Variants in CCDC7 observed in about 807,000 individuals in gnomAD.
The protein encoded by CCDC7 is coiled-coil domain-containing protein 7.
Under a neutral mutation model 196.9 loss-of-function variants are expected in CCDC7, and 183 were observed. The observed-to-expected ratio is 0.93, with a 90% CI of 0.82 to 1.05. The LOEUF is 1.05. Ranked by LOEUF, CCDC7 falls within the 50% of genes least tolerant of loss-of-function variation. The pLI is 0.00. For missense variants in CCDC7, 1,540 were observed against 1,482.2 expected, an observed-to-expected ratio of 1.04 and a Z score of -0.64; for synonymous variants, 525 against 484.6, an observed-to-expected ratio of 1.08 and a Z score of -1.10.
At chr10:32,870,260 C>G (rs1036988776) in intron 41 of CCDC7, among the ~76,000 whole-genome samples, 1 of 152,002 alleles carries the variant, frequency 6.6e-6, no homozygotes, top group African/African-American at 2.4e-5. Flanking sequence ...TGTTTGTGTC[C>G]TCTTTTATTT....
chr10:32,714,838 G>A (rs561789510), intron 25 of CCDC7, among the ~76,000 whole-genome samples: 77 of 152,322 alleles, frequency 5.1e-4, no homozygotes, highest in African/African-American at 1.8e-3. Flanking sequence ...TAACCAGGCT[G>A]TCTTTCTAGA....
Position 32,771,313 on chromosome 10 carries a change from T to C in CCDC7, c.2906-7664T>C, listed in dbSNP as rs1285756708. ...TGTCTGAAAATGACTTTATTTCTTC[T>C]TCATTTATAAAACTTAGTTTTGCAG... On this transcript the variant is annotated intron_variant, in intron 28 of 41. Transcript: ENST00000639629. Among the ~76,000 whole-genome samples, 3 of 152,182 alleles carry C rather than the reference T, an allele frequency of 2.0e-5. No individual in the cohort carries two copies. The East Asian group carries it at 5.8e-4, about 29-fold the overall frequency.
chr10:32,629,157 C>A (rs1380278211), intron 18 of CCDC7, among the ~76,000 whole-genome samples: 1 of 151,984 alleles, frequency 6.6e-6, no homozygotes, highest in Admixed American at 6.6e-5. Flanking sequence ...TTAATATTTG[C>A]TTTATGTTTT....
chr10:32,815,299 CTAATAA>C (rs1200608163), intron 31 of CCDC7, among the ~76,000 whole-genome samples: 5 of 151,684 alleles, frequency 3.3e-5, no homozygotes, highest in African/African-American at 1.2e-4. Context: ...ACAAAGTAGT[CTAATAA>C]TAATAATAAT....
intron 9 of CCDC7, chr10:32,511,636 C>CTTCTA: frequency 6.3e-7 from 1 of 1,580,530 alleles, no homozygotes; most frequent in Admixed American, 1.7e-5. Flanking sequence ...AAACAGACAT[C>CTTCTA]GTGGTCTTCA....
intron 3 of CCDC7, among the ~76,000 whole-genome samples, chr10:32,457,484 A>G (rs911156495): frequency 1.3e-5 from 2 of 152,182 alleles, no homozygotes; most frequent in Non-Finnish European, 1.5e-5. Flanking sequence ...TAGTGCTGCA[A>G]TAAACATGGA....
chr10:32,797,814 G>T (rs760826412), intron 29 of CCDC7, among the ~76,000 whole-genome samples: 19 of 152,244 alleles, frequency 1.2e-4, no homozygotes, highest in Admixed American at 2.6e-4. Context: ...CACAAACTGG[G>T]TGTTGATTCA....
chr10:32,857,149 C>T (rs1040588389), intron 41 of CCDC7, among the ~76,000 whole-genome samples: 1 of 152,104 alleles, frequency 6.6e-6, no homozygotes, highest in African/African-American at 2.4e-5. Flanking sequence ...GAAATGGACT[C>T]CACTACTGTG....
At chr10:32,597,834 C>G (rs2060562929) in intron 18 of CCDC7, among the ~76,000 whole-genome samples, 1 of 152,160 alleles carries the variant, frequency 6.6e-6, no homozygotes, top group Non-Finnish European at 1.5e-5. Context: ...TGCAGAACAG[C>G]AAATGTTGCT....
At chr10:32,523,336 AG>A (rs1242219447) in intron 11 of CCDC7, among the ~76,000 whole-genome samples, 1 of 152,154 alleles carries the variant, frequency 6.6e-6, no homozygotes, top group Admixed American at 6.6e-5. Flanking sequence ...GCCTGAGCTC[AG>A]GAGTTCAAAA....
chr10:32,565,473 G>A (rs2056624699), intron 13 of CCDC7, 85 bp from the exon 15 acceptor site: 4 of 1,381,330 alleles, frequency 2.9e-6, no homozygotes, highest in South Asian at 2.7e-5. Context: ...GGGTATCTAT[G>A]GGTTTTGGAA....
intron 11 of CCDC7, among the ~76,000 whole-genome samples, chr10:32,523,403 G>T (rs554025328): frequency 5.9e-5 from 9 of 152,060 alleles, no homozygotes; most frequent in Non-Finnish European, 1.3e-4. Flanking sequence ...GAAAAAATTA[G>T]CTGGGCATGG....
chr10:32,592,087 A>T (rs2059833708), intron 18 of CCDC7, among the ~76,000 whole-genome samples: 1 of 152,164 alleles, frequency 6.6e-6, no homozygotes, highest in Non-Finnish European at 1.5e-5. Context: ...TAGTCTTGGT[A>T]GGTTGGTGTT....
chr10:32,444,508 TTAAGA>T (rs1267943133), upstream of CCDC7, among the ~76,000 whole-genome samples: 1 of 152,228 alleles, frequency 6.6e-6, no homozygotes, highest in African/African-American at 2.4e-5. Flanking sequence ...AACTTGACCG[TTAAGA>T]TTTTACCAAC....
chr10:32,709,214 C>G (rs886199989), intron 24 of CCDC7, among the ~76,000 whole-genome samples: 4 of 150,530 alleles, frequency 2.7e-5, no homozygotes, highest in African/African-American at 4.9e-5. Context: ...AGCAAACTAT[C>G]GCAAGGATAA....
At chr10:32,862,202 G>T (rs1013391108) in intron 41 of CCDC7, among the ~76,000 whole-genome samples, 2 of 151,958 alleles carry the variant, frequency 1.3e-5, no homozygotes, top group Non-Finnish European at 2.9e-5. Context: ...TGAAGAAAAT[G>T]TGGCACATAT....
intron 18 of CCDC7, among the ~76,000 whole-genome samples, chr10:32,600,922 A>G (rs867818855): frequency 1.6e-4 from 24 of 152,134 alleles, no homozygotes; most frequent in Middle Eastern, 3.4e-3. Context: ...TGAACTCCCT[A>G]TGTTTTTCTG....
intron 21 of CCDC7, among the ~76,000 whole-genome samples, chr10:32,673,685 G>GTA (rs1565079961): frequency 2.0e-5 from 3 of 150,118 alleles, no homozygotes; most frequent in South Asian, 2.1e-4. Context: ...GTGTGTGTGT[G>GTA]TGTAGTTTAG....
At chr10:32,574,305 A>G (rs1232299191) in intron 16 of CCDC7, 1 of 516,606 alleles carries the variant, frequency 1.9e-6, no homozygotes, top group Non-Finnish European at 2.6e-6. Flanking sequence ...GTTAATTATT[A>G]TATATTATAT....
Sources: gnomAD v4.1 joint callset for allele counts (sites outside exome capture counted in the v4.1 genomes callset) on GRCh38, gnomAD v4.1.1 for gene constraint, MANE v1.5 for transcripts, NCBI Gene and HGNC (gene_info 2026-07-23, HGNC 2026-07-21) for gene names.